MPRIP: variants seen among roughly 807,000 people sequenced by gnomAD.
MPRIP encodes the protein myosin phosphatase Rho-interacting protein.
MPRIP carries 59 observed loss-of-function variants against 234.9 expected under a neutral mutation model. That is an observed-to-expected ratio of 0.25 (90% CI 0.20 to 0.31). MPRIP has a LOEUF of 0.31. Ranked by LOEUF, MPRIP falls within the 10% of genes least tolerant of loss-of-function variation. The pLI is 1.00. For missense variants in MPRIP, 2,436 were observed against 3,071.0 expected (o/e 0.79, Z 4.89); for synonymous variants, 1,144 against 1,263.9 (o/e 0.91, Z 2.01).
At position 17,192,426 on chromosome 17, in the gene MPRIP, TTGGGG is replaced by T. The variant is rs1283150636; in HGVS notation, c.*7533_*7537del. 2.7e-3 allele frequency: 8 copies of T among 2,968 alleles called. No homozygotes were observed. The highest frequency in any genetic ancestry group is 1.5e-3 in the Non-Finnish European group (2 of 1,354). 0.2% of individuals were successfully genotyped at this position (2,968 alleles called of 1,614,324 possible). A position where few individuals can be genotyped will look rare whatever the true frequency, so the allele number is the denominator to read the frequency against. On this transcript the variant is annotated 3_prime_UTR_variant, in exon 24 of 24. Coordinates refer to ENST00000651222, the MANE Select transcript of MPRIP (RefSeq NM_001364716.4). Reference sequence around the variant, plus strand: ...GACCAGCTGAGCTGCTGCTTTTTTTTTGGGGGGGGGGGGGGGAGGGGCGTCTTGAG... The same window carrying T: ...GACCAGCTGAGCTGCTGCTTTTTTTTGGGGGGGGGGGAGGGGCGTCTTGAG...
chr17:17,088,450 C>T (rs1300363111), intron 3 of MPRIP, among the ~76,000 whole-genome samples: 1 of 152,048 alleles, frequency 6.6e-6, no homozygotes, highest in African/African-American at 2.4e-5. Flanking sequence ...TAAGTAAGAG[C>T]GGGGAAAGAA....
rs1200585622 is a variant in MPRIP, at chr17:17,131,822, C to A, written c.504+121C>A. On this transcript the variant is annotated intron_variant, in intron 5 of 23. Transcript: ENST00000651222. The stretch of plus-strand genomic sequence containing the variant: ...AGGCCAGGGCTGAGGCAGTCACCAA[C>A]TCTGCACATCCTTGCTTTGGGCTGC... 6.1e-6 allele frequency: 5 copies of A among 815,584 alleles called. No individual in the cohort carries two copies. The African/African-American group carries it at 6.8e-5, about 11-fold the overall frequency. The allele number at this position is 815,584 out of a possible 1,614,324, so 50.5% of individuals were successfully genotyped here.
intron 3 of MPRIP, among the ~76,000 whole-genome samples, chr17:17,099,839 TC>T (rs1450669531): frequency 6.6e-6 from 1 of 152,238 alleles, no homozygotes; most frequent in African/African-American, 2.4e-5. Context: ...TGGTCTGCTG[TC>T]CCAAGTGTTT....
At position 17,192,427 on chromosome 17, in the gene MPRIP, T is replaced by TGGGGGG. The variant is rs1555603013; in HGVS notation, c.*7543_*7548dup. ...ACCAGCTGAGCTGCTGCTTTTTTTTTGGGGGGGGGGGGGGGAGGGGCGTCT... is the reference window on the plus strand; with the variant it reads ...ACCAGCTGAGCTGCTGCTTTTTTTTTGGGGGGGGGGGGGGGGGGGGGAGGGGCGTCT... On this transcript the variant is annotated 3_prime_UTR_variant, in exon 24 of 24. Transcript: ENST00000651222. 2.3e-3 allele frequency: 11 copies of TGGGGGG among 4,816 alleles called. 1 individual carries two copies. Among genetic ancestry groups the TGGGGGG allele is most frequent in the South Asian group, 0.017 (1 of 58 alleles). 0.3% of individuals were successfully genotyped at this position (4,816 alleles called of 1,614,324 possible). A position where few individuals can be genotyped will look rare whatever the true frequency, so the allele number is the denominator to read the frequency against.
intron 4 of MPRIP, among the ~76,000 whole-genome samples, chr17:17,131,278 G>A (rs980089459): frequency 2.0e-5 from 3 of 152,202 alleles, no homozygotes; most frequent in Non-Finnish European, 2.9e-5. Flanking sequence ...GGCACAGCTC[G>A]TCTGTACTCT....
chr17:17,092,788 G>A (rs73979080), intron 3 of MPRIP, among the ~76,000 whole-genome samples: 8,688 of 152,258 alleles, frequency 0.057, 790 homozygotes, highest in African/African-American at 0.19. Flanking sequence ...AAACACAGGT[G>A]TAGGTAATGT....
At chr17:17,127,207 G>C (rs1256675208) in intron 4 of MPRIP, among the ~76,000 whole-genome samples, 1 of 152,222 alleles carries the variant, frequency 6.6e-6, no homozygotes, top group Non-Finnish European at 1.5e-5. Context: ...TGGGATGGCT[G>C]CTCCTCCTTC....
At chr17:17,067,163 T>A (rs965237455) in intron 1 of MPRIP, among the ~76,000 whole-genome samples, 8 of 152,224 alleles carry the variant, frequency 5.3e-5, no homozygotes, top group African/African-American at 1.9e-4. Flanking sequence ...TTTTTCTTTC[T>A]CAATTTCAGC....
chr17:17,157,181 A>G (rs2045747989), intron 13 of MPRIP, among the ~76,000 whole-genome samples: 1 of 152,212 alleles, frequency 6.6e-6, no homozygotes, highest in Non-Finnish European at 1.5e-5. Flanking sequence ...GCCATCAGCA[A>G]TGTCCCTGTC....
At chr17:17,176,558 A>C (rs539609338) in intron 21 of MPRIP, 46 bp downstream of exon 21, 1 of 1,427,812 alleles carries the variant, frequency 7.0e-7, no homozygotes, top group East Asian at 2.3e-5. Context: ...AACAGGCTCT[A>C]GGTGACATGC....
At chr17:17,176,010 G>A (rs924373795) in intron 20 of MPRIP, among the ~76,000 whole-genome samples, 14 of 152,170 alleles carry the variant, frequency 9.2e-5, no homozygotes, top group South Asian at 4.1e-4. Context: ...CTCCTGCCCC[G>A]AGTCCAGGTG....
intron 3 of MPRIP, among the ~76,000 whole-genome samples, chr17:17,080,935 A>G (rs145938369): frequency 1.5e-3 from 220 of 151,592 alleles, no homozygotes; most frequent in African/African-American, 5.2e-3. Flanking sequence ...AGGCAACCAC[A>G]GGGCCTGCAG....
At chr17:17,107,721 A>G (rs1160794121) in intron 3 of MPRIP, among the ~76,000 whole-genome samples, 2 of 152,222 alleles carry the variant, frequency 1.3e-5, no homozygotes, top group African/African-American at 2.4e-5. Flanking sequence ...GGGGAAACCC[A>G]GAGATTCCTG....
chr17:17,119,124 C>T (rs2090340048), intron 3 of MPRIP, among the ~76,000 whole-genome samples: 2 of 152,190 alleles, frequency 1.3e-5, no homozygotes, highest in African/African-American at 2.4e-5. Flanking sequence ...CTGGTGCTCC[C>T]CAAGGGCTGT....
chr17:17,066,723 CTTTTTTTTTTTTTTTTTTTTTTTTTTTTT>C (rs34804730), intron 1 of MPRIP, among the ~76,000 whole-genome samples: 32 of 36,688 alleles, frequency 8.7e-4, no homozygotes, highest in East Asian at 3.6e-3. Flanking sequence ...CTTTTTTCAT[CTTTTTTTTTTTTTTTTTTTTTTTTTTTTT>C]TTTTTTTTTT....
intron 13 of MPRIP, 48 bp from the exon 14 acceptor site, chr17:17,158,384 A>G: frequency 6.7e-7 from 1 of 1,492,080 alleles, no homozygotes. Flanking sequence ...CTGGCAGGCC[A>G]CACCAGAGCC....
chr17:17,098,513 G>T (rs1427398675), intron 3 of MPRIP, among the ~76,000 whole-genome samples: 2 of 152,214 alleles, frequency 1.3e-5, no homozygotes, highest in Non-Finnish European at 2.9e-5. Context: ...TGAGTTTCCA[G>T]AGTTGAAAGG....
At chr17:17,109,466 G>A (rs1366422447) in intron 3 of MPRIP, among the ~76,000 whole-genome samples, 1 of 152,260 alleles carries the variant, frequency 6.6e-6, no homozygotes, top group Non-Finnish European at 1.5e-5. Flanking sequence ...TGCACACAGT[G>A]ACAAGGAACA....
chr17:17,043,081 G>C (rs563169847), intron 1 of MPRIP, 110 bp downstream of exon 1: 1 of 1,064,414 alleles, frequency 9.4e-7, no homozygotes, highest in South Asian at 1.4e-5. Context: ...GGAAATGCGC[G>C]AGTCCTGGGG....
Sources: allele counts gnomAD v4.1 joint callset (sites outside exome capture counted in the v4.1 genomes callset), GRCh38; gene constraint gnomAD v4.1.1; transcripts MANE v1.5; gene names NCBI Gene and HGNC (gene_info 2026-07-23, HGNC 2026-07-21).